ENTREP2: variants seen among roughly 807,000 people sequenced by gnomAD.
The protein encoded by ENTREP2 is endosomal transmembrane epsin interactor 2, also known as protein ENTREP2.
the ENTREP2 span, among the ~76,000 whole-genome samples, chr15:29,620,581 T>A: frequency 1.3e-5 from 2 of 151,992 alleles, no homozygotes; most frequent in African/African-American, 4.8e-5. Context: ...CAGGCTCCGA[T>A]GAAGTATGAT....
the ENTREP2 span, among the ~76,000 whole-genome samples, chr15:29,347,287 T>G: frequency 1.3e-5 from 2 of 152,190 alleles, no homozygotes; most frequent in African/African-American, 4.8e-5. Flanking sequence ...CTCAGCCTCC[T>G]GAATAGCTGG....
chr15:29,540,074 T>C, the ENTREP2 span, among the ~76,000 whole-genome samples: 111 of 152,210 alleles, frequency 7.3e-4, 3 homozygotes, highest in Middle Eastern at 3.4e-3. Flanking sequence ...TCACAGCCCA[T>C]TGCCTCCCTG....
chr15:29,325,377 TAGACTC>T, the ENTREP2 span, among the ~76,000 whole-genome samples: 3 of 151,742 alleles, frequency 2.0e-5, no homozygotes, highest in African/African-American at 7.3e-5. Flanking sequence ...TAGAGAAAAT[TAGACTC>T]AGAAAAAAGG....
At chr15:29,251,744 CT>C in the ENTREP2 span, among the ~76,000 whole-genome samples, 2,757 of 97,818 alleles carry the variant, frequency 0.028, 93 homozygotes, top group African/African-American at 0.11. Context: ...TTTTTTGTGA[CT>C]TTTTTTTTTT....
chr15:29,269,295 G>C, the ENTREP2 span: 1 of 1,614,234 alleles, frequency 6.2e-7, no homozygotes, highest in Non-Finnish European at 8.5e-7. Context: ...TATACCCGAA[G>C]ACGTACTGGA....
At chr15:29,321,462 AGAT>A in the ENTREP2 span, among the ~76,000 whole-genome samples, 2 of 152,108 alleles carry the variant, frequency 1.3e-5, no homozygotes, top group Non-Finnish European at 2.9e-5. Context: ...AGCCTGGCCA[AGAT>A]GGTGGAATCC....
the ENTREP2 span, among the ~76,000 whole-genome samples, chr15:29,199,193 A>G: frequency 6.6e-6 from 1 of 152,200 alleles, no homozygotes; most frequent in African/African-American, 2.4e-5. Flanking sequence ...GGCTGTACCA[A>G]TTTACACACT....
chr15:29,224,937 C>T, the ENTREP2 span, among the ~76,000 whole-genome samples: 3 of 152,140 alleles, frequency 2.0e-5, no homozygotes, highest in African/African-American at 4.8e-5. Flanking sequence ...AGCCCTGCCC[C>T]GCGGGAAGGC....
chr15:29,481,306 G>A, the ENTREP2 span, among the ~76,000 whole-genome samples: 1 of 152,126 alleles, frequency 6.6e-6, no homozygotes, highest in Non-Finnish European at 1.5e-5. Flanking sequence ...ATCTGGGGGT[G>A]GGGCCTGAGA....
the ENTREP2 span, among the ~76,000 whole-genome samples, chr15:29,438,197 G>A: frequency 2.5e-3 from 385 of 152,308 alleles, 2 homozygotes; most frequent in African/African-American, 9.0e-3. Flanking sequence ...GACTGGGATG[G>A]AGATCACAGA....
the ENTREP2 span, among the ~76,000 whole-genome samples, chr15:29,575,224 A>G: frequency 2.6e-5 from 4 of 152,156 alleles, no homozygotes; most frequent in Non-Finnish European, 5.9e-5. Context: ...AGAAACCCCA[A>G]TTCTGCATTG....
chr15:29,608,144 G>A, the ENTREP2 span, among the ~76,000 whole-genome samples: 1 of 152,056 alleles, frequency 6.6e-6, no homozygotes, highest in Admixed American at 6.6e-5. Flanking sequence ...ACCTCTCCAA[G>A]CCCACTGACT....
the ENTREP2 span, chr15:29,124,783 G>A: frequency 6.5e-7 from 1 of 1,543,726 alleles, no homozygotes; most frequent in Non-Finnish European, 8.8e-7. Flanking sequence ...GGAGAATTCA[G>A]TGAACACATG....
At chr15:29,632,246 C>T in the ENTREP2 span, among the ~76,000 whole-genome samples, 4 of 152,256 alleles carry the variant, frequency 2.6e-5, no homozygotes, top group East Asian at 5.8e-4. Context: ...TTTACTTTTC[C>T]AAGGGTCCTT....
chr15:29,480,366 A>AC, the ENTREP2 span, among the ~76,000 whole-genome samples: 2 of 138,490 alleles, frequency 1.4e-5, no homozygotes, highest in Non-Finnish European at 3.1e-5. Flanking sequence ...AAAAAAAAAA[A>AC]CCCACAAATG....
At chr15:29,119,816 C>T in the ENTREP2 span, among the ~76,000 whole-genome samples, 1 of 152,200 alleles carries the variant, frequency 6.6e-6, no homozygotes, top group South Asian at 2.1e-4. Context: ...CGGGATTCCA[C>T]TCAGGAGGCC....
the ENTREP2 span, among the ~76,000 whole-genome samples, chr15:29,440,617 C>T: frequency 6.6e-6 from 1 of 152,166 alleles, no homozygotes; most frequent in East Asian, 1.9e-4. Context: ...TCTGTGTGTT[C>T]CTGTTCCTCA....
the ENTREP2 span, among the ~76,000 whole-genome samples, chr15:29,625,453 T>C: frequency 6.6e-6 from 1 of 152,356 alleles, no homozygotes; most frequent in Admixed American, 6.5e-5. Flanking sequence ...TGGAGTGCAG[T>C]GGCACCATCT....
chr15:29,319,347 G>C, the ENTREP2 span, among the ~76,000 whole-genome samples: 1 of 152,210 alleles, frequency 6.6e-6, no homozygotes, highest in Non-Finnish European at 1.5e-5. Context: ...GACAGCCCCA[G>C]TTTCCTCTGA....
Sources: gnomAD v4.1 joint callset for allele counts (sites outside exome capture counted in the v4.1 genomes callset) on GRCh38, gnomAD v4.1.1 for gene constraint, MANE v1.5 for transcripts, NCBI Gene and HGNC (gene_info 2026-07-23, HGNC 2026-07-21) for gene names.